The following SEMA5A variants were observed in gnomAD, a reference collection of about 807,000 sequenced individuals.
SEMA5A encodes the protein semaphorin 5A.
A neutral mutation model predicts 135.5 loss-of-function variants in SEMA5A; 55 were observed. The observed-to-expected ratio is 0.41, with a 90% CI of 0.33 to 0.51. The LOEUF (loss-of-function observed/expected upper bound fraction) is 0.51. Ranked by LOEUF, SEMA5A falls within the 20% of genes least tolerant of loss-of-function variation. The pLI is 0.37. For missense variants in SEMA5A, 1,290 were observed against 1,419.9 expected (o/e 0.91, Z 1.47); for synonymous variants, 580 against 546.5 (o/e 1.06, Z -0.85).
intron 5 of SEMA5A, among the ~76,000 whole-genome samples, chr5:9,255,686 C>T (rs768894170): frequency 1.4e-4 from 22 of 152,132 alleles, no homozygotes; most frequent in Admixed American, 4.6e-4. Context: ...GCATCTGCTT[C>T]GGATCCTTCA....
intron 1 of SEMA5A, chr5:9,523,183 A>G (rs2126875625): frequency 6.6e-6 from 1 of 152,306 alleles, no homozygotes; most frequent in East Asian, 1.9e-4. Context: ...ATAATTGCCA[A>G]ACTCAGCTCC....
intron 1 of SEMA5A, among the ~76,000 whole-genome samples, chr5:9,450,868 C>T (rs1441616707): frequency 2.0e-5 from 3 of 152,074 alleles, no homozygotes; most frequent in Admixed American, 2.0e-4. Flanking sequence ...TTAATCTTGA[C>T]TTTATTACAT....
At chr5:9,422,136 A>G (rs1450680629) in intron 2 of SEMA5A, among the ~76,000 whole-genome samples, 1 of 152,222 alleles carries the variant, frequency 6.6e-6, no homozygotes, top group Non-Finnish European at 1.5e-5. Flanking sequence ...ATAAAACTGC[A>G]TGTTCAAGAA....
intron 15 of SEMA5A, among the ~76,000 whole-genome samples, chr5:9,117,645 G>A (rs1385603432): frequency 6.6e-6 from 1 of 152,146 alleles, no homozygotes; most frequent in Non-Finnish European, 1.5e-5. Context: ...ATTTCCACTT[G>A]TGGCATCATG....
At chr5:9,127,927 A>G (rs1741204516) in intron 13 of SEMA5A, among the ~76,000 whole-genome samples, 1 of 152,178 alleles carries the variant, frequency 6.6e-6, no homozygotes, top group African/African-American at 2.4e-5. Context: ...GTACAATATG[A>G]TGGTGACAAC....
At chr5:9,120,041 C>A (rs1316694648) in intron 14 of SEMA5A, among the ~76,000 whole-genome samples, 1 of 151,850 alleles carries the variant, frequency 6.6e-6, no homozygotes, top group Non-Finnish European at 1.5e-5. Flanking sequence ...TAAGTGTCCC[C>A]CTTAACACGT....
At chr5:9,346,694 G>A (rs1349466330) in intron 3 of SEMA5A, among the ~76,000 whole-genome samples, 1 of 152,196 alleles carries the variant, frequency 6.6e-6, no homozygotes, top group Non-Finnish European at 1.5e-5. Context: ...GTGCCAAAGT[G>A]GCCAGCTGGT....
intron 1 of SEMA5A, among the ~76,000 whole-genome samples, chr5:9,507,256 G>A (rs1159628179): frequency 6.6e-6 from 1 of 152,098 alleles, no homozygotes; most frequent in East Asian, 1.9e-4. Context: ...GTCACTTTCA[G>A]GTTAAAACCA....
intron 16 of SEMA5A, among the ~76,000 whole-genome samples, chr5:9,081,104 G>A (rs998394145): frequency 1.3e-5 from 2 of 152,168 alleles, no homozygotes; most frequent in Non-Finnish European, 2.9e-5. Context: ...CCTAGGAGCA[G>A]AGAACGCCAC....
chr5:9,451,364 C>A (rs909461209), intron 1 of SEMA5A, among the ~76,000 whole-genome samples: 2 of 152,184 alleles, frequency 1.3e-5, no homozygotes, highest in African/African-American at 4.8e-5. Context: ...GATGACAAAA[C>A]CCATCATTAG....
At chr5:9,150,626 G>C (rs62343366) in intron 12 of SEMA5A, among the ~76,000 whole-genome samples, 14,901 of 152,244 alleles carry the variant, frequency 0.098, 1,048 homozygotes, top group Non-Finnish European at 0.15. Flanking sequence ...CGTGTGGTCA[G>C]TACAGGCAGG....
At chr5:9,087,255 TAGTC>T (rs1738749782) in intron 16 of SEMA5A, among the ~76,000 whole-genome samples, 2 of 152,238 alleles carry the variant, frequency 1.3e-5, no homozygotes, top group Admixed American at 1.3e-4. Context: ...GCAATTAAAA[TAGTC>T]AGGATGTTTA....
intron 1 of SEMA5A, among the ~76,000 whole-genome samples, chr5:9,543,905 G>A (rs1198600134): frequency 6.6e-6 from 1 of 151,520 alleles, no homozygotes; most frequent in African/African-American, 2.4e-5. Flanking sequence ...TTCTTTTGGT[G>A]TAAATACAGG....
At chr5:9,499,684 C>T (rs1430838702) in intron 1 of SEMA5A, among the ~76,000 whole-genome samples, 4 of 152,296 alleles carry the variant, frequency 2.6e-5, no homozygotes, top group South Asian at 2.1e-4. Context: ...TCTCTTTTAT[C>T]GCTCAAGACA....
chr5:9,305,037 A>G (rs1328207172), intron 5 of SEMA5A, among the ~76,000 whole-genome samples: 2 of 152,092 alleles, frequency 1.3e-5, no homozygotes, highest in Admixed American at 6.6e-5. Context: ...ATCTACTCCA[A>G]CCTGGACTGG....
chr5:9,381,645 C>T (rs1425144941), intron 2 of SEMA5A, among the ~76,000 whole-genome samples: 1 of 152,176 alleles, frequency 6.6e-6, no homozygotes, highest in Non-Finnish European at 1.5e-5. Flanking sequence ...GTTGATGGGT[C>T]ACACATGAGC....
chr5:9,162,507 G>T (rs181644622), intron 11 of SEMA5A, among the ~76,000 whole-genome samples: 13,134 of 61,404 alleles, frequency 0.21, 1,155 homozygotes, highest in African/African-American at 0.33. Flanking sequence ...TGTATATATA[G>T]GAATATATGT....
At chr5:9,230,593 G>T (rs1747574865) in intron 6 of SEMA5A, among the ~76,000 whole-genome samples, 1 of 152,202 alleles carries the variant, frequency 6.6e-6, no homozygotes, top group Non-Finnish European at 1.5e-5. Flanking sequence ...TGTGTCACTG[G>T]TGTTCTTCGC....
At chr5:9,353,420 G>A (rs1458772330) in intron 3 of SEMA5A, among the ~76,000 whole-genome samples, 1 of 150,572 alleles carries the variant, frequency 6.6e-6, no homozygotes, top group Non-Finnish European at 1.5e-5. Flanking sequence ...GGAAAGGAAG[G>A]AAAGAAAGAC....
Sources: allele counts gnomAD v4.1 joint callset (sites outside exome capture counted in the v4.1 genomes callset), GRCh38; gene constraint gnomAD v4.1.1; transcripts MANE v1.5; gene names NCBI Gene and HGNC (gene_info 2026-07-23, HGNC 2026-07-21).